The following RAPGEF6 variants were observed in gnomAD, a reference collection of about 807,000 sequenced individuals.
The protein encoded by RAPGEF6 is PDZ domain containing guanine nucleotide exchange factor (GEF) 2.
In RAPGEF6, 56 loss-of-function variants were observed where a neutral mutation model predicts 171.4. The ratio of observed to expected loss-of-function variants is 0.33; its 90% confidence interval spans 0.26 to 0.41. RAPGEF6 has a LOEUF of 0.41. Among genes scored for constraint, RAPGEF6 ranks in the 10% least tolerant of loss-of-function variants. The pLI is 1.00. For missense variants in RAPGEF6, 1,674 were observed against 1,921.4 expected (o/e 0.87, Z 2.41); for synonymous variants, 692 against 650.1 (o/e 1.06, Z -0.98).
intron 15 of RAPGEF6, among the ~76,000 whole-genome samples, chr5:131,483,257 T>C (rs1580895503): frequency 6.8e-6 from 1 of 147,886 alleles, no homozygotes; most frequent in Non-Finnish European, 1.5e-5. Context: ...GCTGAGACAG[T>C]AGAATCGCTT....
intron 1 of RAPGEF6, among the ~76,000 whole-genome samples, chr5:131,627,749 G>T (rs1266911607): frequency 6.6e-6 from 1 of 152,010 alleles, no homozygotes; most frequent in East Asian, 1.9e-4. Flanking sequence ...CAAATTGAAG[G>T]TTCATGACAA....
At position 131,591,058 on chromosome 5, in the gene RAPGEF6, A is replaced by G. The variant is rs555723665; in HGVS notation, c.281+1325T>C. Among the ~76,000 whole-genome samples, 8 of 152,356 alleles carry G rather than the reference A, an allele frequency of 5.3e-5. No homozygotes were observed. The East Asian group carries it at 1.5e-3, about 29-fold the overall frequency. On this transcript the variant is annotated intron_variant, in intron 4 of 27. Coordinates refer to ENST00000509018, the MANE Select transcript of RAPGEF6 (RefSeq NM_016340.6). ...ATATGTGTTATTCAACTGGTCAATT[A>G]GCACATTTCATTTAACCAAAGGCCA...
At chr5:131,482,371 T>C (rs547231969) in intron 15 of RAPGEF6, among the ~76,000 whole-genome samples, 5 of 152,294 alleles carry the variant, frequency 3.3e-5, no homozygotes, top group Admixed American at 2.6e-4. Flanking sequence ...CTGGAGACCA[T>C]AGCTCACTGC....
chr5:131,445,882 T>C (rs967913881), intron 22 of RAPGEF6, among the ~76,000 whole-genome samples: 2 of 152,204 alleles, frequency 1.3e-5, no homozygotes, highest in African/African-American at 4.8e-5. Context: ...TATAACAGTA[T>C]ATATTTCATT....
chr5:131,551,282 G>C (rs950408374), intron 5 of RAPGEF6, among the ~76,000 whole-genome samples: 7 of 152,150 alleles, frequency 4.6e-5, no homozygotes, highest in African/African-American at 1.7e-4. Flanking sequence ...GGGAGGCTGA[G>C]GCGGGTGAAT....
At chr5:131,556,913 T>C (rs1761269317) in intron 5 of RAPGEF6, among the ~76,000 whole-genome samples, 1 of 152,182 alleles carries the variant, frequency 6.6e-6, no homozygotes, top group Admixed American at 6.5e-5. Context: ...TTCAGGGGTA[T>C]TTAAACACAT....
chr5:131,582,473 G>C (rs1408897376), intron 4 of RAPGEF6, among the ~76,000 whole-genome samples: 1 of 151,970 alleles, frequency 6.6e-6, no homozygotes, highest in Non-Finnish European at 1.5e-5. Flanking sequence ...ATAGATCATA[G>C]TAAAAGCTAA....
At chr5:131,469,711 T>C (rs1215112384) in intron 17 of RAPGEF6, 28 of 998,352 alleles carry the variant, frequency 2.8e-5, no homozygotes, top group Non-Finnish European at 3.7e-5. Context: ...TACTACTTCA[T>C]TCAATTCTGT....
At chr5:131,522,849 TTAGACTC>T (rs1200306538) in intron 6 of RAPGEF6, among the ~76,000 whole-genome samples, 1 of 152,070 alleles carries the variant, frequency 6.6e-6, no homozygotes, top group Middle Eastern at 3.2e-3. Flanking sequence ...GGAGAGTAAA[TTAGACTC>T]TAGAGTAAAT....
In RAPGEF6 at chr5:131,489,582, T is replaced by C; in HGVS notation, c.1804A>G (p.Thr602Ala). 6.2e-7 allele frequency: 1 copy of C among 1,600,294 alleles called. No individual in the cohort carries two copies. Among genetic ancestry groups the C allele is most frequent in the Non-Finnish European group, 8.5e-7 (1 of 1,173,870 alleles). Residue 602 changes from threonine to alanine, a missense_variant, in exon 15 of 28, where the codon ACT becomes GCT. Transcript: ENST00000509018. ...MKAVEILRNN[T>A]HLALTVKTNI... ...GTCTTCACAGTAAGTGCAAGATGAGTATTATTCCTCAAAATTTCAACGGCT... is the reference window on the plus strand; with the variant it reads ...GTCTTCACAGTAAGTGCAAGATGAGCATTATTCCTCAAAATTTCAACGGCT...
chr5:131,573,656 G>C (rs902416677), intron 4 of RAPGEF6, among the ~76,000 whole-genome samples: 1 of 151,994 alleles, frequency 6.6e-6, no homozygotes, highest in Non-Finnish European at 1.5e-5. Flanking sequence ...GGACTCCCCA[G>C]GTATAGCTAG....
At chr5:131,518,371 A>G (rs2149904987) in intron 7 of RAPGEF6, among the ~76,000 whole-genome samples, 1 of 151,136 alleles carries the variant, frequency 6.6e-6, no homozygotes, top group South Asian at 2.1e-4. Context: ...CTATGGTCCT[A>G]AAGTTAACTG....
chr5:131,472,616 G>A lies in RAPGEF6; in HGVS notation c.2210C>T (p.Thr737Ile). The change falls in exon 17 of 28, where the codon ACC becomes ATC. Residue 737 changes from threonine to isoleucine, a missense_variant. Around this residue, in one of 3 missense-constraint regions of RAPGEF6, gnomAD observed 1,116 missense variants for 1,321.5 expected, o/e 0.84. Coordinates refer to ENST00000509018, the MANE Select transcript of RAPGEF6 (RefSeq NM_016340.6). ...SSSPDLLQPT[T>I]SMLDFSNPSD... ...AGGATTGGAAAAATCCAACATACTG[G>A]TGGTAGGCTGCAGGAGATCAGGGCT... 3 of 1,614,096 alleles carry A rather than the reference G, an allele frequency of 1.9e-6. No homozygotes were observed. Among genetic ancestry groups the A allele is most frequent in the Non-Finnish European group, 2.5e-6 (3 of 1,179,954 alleles).
chr5:131,495,200 G>A (rs1436753055), intron 13 of RAPGEF6, among the ~76,000 whole-genome samples: 2 of 151,958 alleles, frequency 1.3e-5, no homozygotes, highest in Non-Finnish European at 2.9e-5. Flanking sequence ...GGTTGAGGTA[G>A]GAGAGAATTG....
intron 5 of RAPGEF6, among the ~76,000 whole-genome samples, chr5:131,550,224 T>C (rs1355585598): frequency 1.3e-5 from 2 of 152,146 alleles, no homozygotes; most frequent in East Asian, 3.9e-4. Flanking sequence ...TCTCCAATTC[T>C]ATCCTGCAGG....
At chr5:131,543,330 G>A (rs1019520115) in intron 6 of RAPGEF6, among the ~76,000 whole-genome samples, 2 of 152,168 alleles carry the variant, frequency 1.3e-5, no homozygotes, top group East Asian at 3.9e-4. Context: ...GATATCTTCT[G>A]ATAAAGAAAT....
At position 131,548,068 on chromosome 5, in the gene RAPGEF6, C is replaced by T; in HGVS notation, c.474G>A (p.Val158=). 2 of 1,613,824 alleles carry T rather than the reference C, an allele frequency of 1.2e-6. No individual in the cohort carries two copies. The highest frequency in any genetic ancestry group is 4.5e-5 in the East Asian group (2 of 44,844). ...KGERQTITDD[V]EVNSYLSLPA... ...TCACAGAAAGATAGCTGTTAACCTC[C>T]ACATCATCAGTAATGGTTTGGCGCT... The change falls in exon 6 of 28, where the codon GTG becomes GTA. Residue 158 remains valine (V), a synonymous_variant. Coordinates refer to ENST00000509018, the MANE Select transcript of RAPGEF6 (RefSeq NM_016340.6).
chr5:131,456,255 GTTTCA>G (rs1394196336), intron 19 of RAPGEF6, among the ~76,000 whole-genome samples: 1 of 151,968 alleles, frequency 6.6e-6, no homozygotes, highest in South Asian at 2.1e-4. Flanking sequence ...TTATTTTACA[GTTTCA>G]TTTAAGTGAC....
At chr5:131,439,514 A>G (rs1752243894) in intron 24 of RAPGEF6, 67 bp downstream of exon 24, 3 of 1,498,138 alleles carry the variant, frequency 2.0e-6, no homozygotes, top group Non-Finnish European at 2.7e-6. Context: ...ATAGATTGAA[A>G]AGCAAAATAT....
Sources: allele counts gnomAD v4.1 joint callset (sites outside exome capture counted in the v4.1 genomes callset), GRCh38; gene constraint gnomAD v4.1.1; regional missense constraint gnomAD v4.1.1; transcripts MANE v1.5; gene names NCBI Gene and HGNC (gene_info 2026-07-23, HGNC 2026-07-21).